ARL10: variants seen among roughly 807,000 people sequenced by gnomAD.
ARL10 encodes the protein ARF like GTPase 10.
In ARL10, 23 loss-of-function variants were observed where a neutral mutation model predicts 26.1. The observed-to-expected ratio is 0.88, with a 90% CI of 0.63 to 1.25. The LOEUF is 1.25. Among genes scored for constraint, ARL10 ranks in the 50% most tolerant of loss-of-function variants. The pLI is 0.00. For missense variants in ARL10, 300 were observed against 323.6 expected (o/e 0.93, Z 0.56); for synonymous variants, 138 against 149.1 (o/e 0.93, Z 0.54).
chr5:176,388,105 G>C, intron 1 of ARL10: 1 of 664,464 alleles, frequency 1.5e-6, no homozygotes, highest in Non-Finnish European at 2.6e-6. Context: ...TGAGCGTTCT[G>C]ACTGTGGGGA....
downstream of ARL10, among the ~76,000 whole-genome samples, chr5:176,383,376 T>G (rs1263379196): frequency 6.6e-5 from 10 of 152,246 alleles, no homozygotes. Context: ...CATACCCTGC[T>G]TGTGATCCTG....
At chr5:176,414,898 T>TG in the ARL10 span, among the ~76,000 whole-genome samples, 5 of 152,232 alleles carry the variant, frequency 3.3e-5, no homozygotes, top group African/African-American at 1.2e-4. Context: ...TGACACACAG[T>TG]AGGTGCTCAG....
chr5:176,414,493 G>A, the ARL10 span, among the ~76,000 whole-genome samples: 3 of 147,204 alleles, frequency 2.0e-5, no homozygotes, highest in Non-Finnish European at 3.0e-5. Flanking sequence ...GTACAGAGAC[G>A]TGATCACAGC....
At chr5:176,382,169 C>T (rs1755569940), downstream of ARL10, among the ~76,000 whole-genome samples, 1 of 152,200 alleles carries the variant, frequency 6.6e-6, no homozygotes, top group South Asian at 2.1e-4. Flanking sequence ...GCCTTAAGAA[C>T]CTCACCTAAC....
rs1755495780 is a variant in ARL10, at chr5:176,379,365, A to G, written c.*7470A>G. The G allele has an allele frequency of 6.9e-6, 1 of 144,148 alleles. No homozygotes were observed. Among genetic ancestry groups the G allele is most frequent in the African/African-American group, 2.5e-5 (1 of 40,120 alleles). 8.9% of individuals were successfully genotyped at this position (144,148 alleles called of 1,614,324 possible). On this transcript the variant is annotated 3_prime_UTR_variant, in exon 4 of 4. Coordinates refer to ENST00000310389, the MANE Select transcript of ARL10 (RefSeq NM_173664.6). The stretch of plus-strand genomic sequence containing the variant: ...TTGTATTTAGTAGAGATGGGGTTTC[A>G]CCGTGTTCGTCAGGGCTGGTCTCGA...
chr5:176,388,105 G>T, intron 1 of ARL10: 1 of 664,464 alleles, frequency 1.5e-6, no homozygotes. Flanking sequence ...TGAGCGTTCT[G>T]ACTGTGGGGA....
chr5:176,410,187 C>G, the ARL10 span: 1 of 1,326,994 alleles, frequency 7.5e-7, no homozygotes, highest in East Asian at 2.3e-5. Context: ...AAGCCTACAA[C>G]AATGAGGCTT....
downstream of ARL10, chr5:176,384,171 G>A (rs949595106): frequency 9.3e-6 from 15 of 1,613,886 alleles, no homozygotes; most frequent in Non-Finnish European, 1.2e-5. Context: ...CTTACACCCT[G>A]GCTCCAGCTT....
At chr5:176,384,056 G>C (rs1339552148), downstream of ARL10, 8 of 1,558,644 alleles carry the variant, frequency 5.1e-6, no homozygotes, top group Non-Finnish European at 6.9e-6. Flanking sequence ...TGGAGCCTCT[G>C]AGAACAGTTC....
rs888299472 is a variant in ARL10 at position 176,381,260 on chromosome 5, T to C, written c.*9365T>C. On this transcript the variant is annotated 3_prime_UTR_variant, in exon 4 of 4. Transcript: ENST00000310389. Reference sequence around the variant, plus strand: ...TTGGAGAGCTCAAAACACAAATTTATGGAGCTCAGAATCCTAGGAAGAACT... The same window carrying C: ...TTGGAGAGCTCAAAACACAAATTTACGGAGCTCAGAATCCTAGGAAGAACT... 3.3e-5 allele frequency: 5 copies of C among 152,204 alleles called. No individual in the cohort carries two copies. Among genetic ancestry groups the C allele is most frequent in the Non-Finnish European group, 5.9e-5 (4 of 68,040 alleles). 9.4% of individuals were successfully genotyped at this position (152,204 alleles called of 1,614,324 possible).
chr5:176,391,326 A>C (rs754673440), downstream of ARL10, among the ~76,000 whole-genome samples: 2 of 152,122 alleles, frequency 1.3e-5, no homozygotes, highest in Non-Finnish European at 2.9e-5. Flanking sequence ...TTAGAATTTG[A>C]CCTTAGGCTG....
chr5:176,384,081 G>T, downstream of ARL10: 1 of 1,594,562 alleles, frequency 6.3e-7, no homozygotes. Flanking sequence ...CCCAGAGCGG[G>T]GAGTGTGCAC....
downstream of ARL10, chr5:176,405,642 T>C (rs1324404440): frequency 6.6e-6 from 1 of 151,956 alleles, no homozygotes; most frequent in Non-Finnish European, 1.5e-5. Context: ...ACCAAATGAA[T>C]GAACGACCAA....
chr5:176,385,460 TC>T (rs1027780947), downstream of ARL10: 175 of 621,356 alleles, frequency 2.8e-4, no homozygotes, highest in Non-Finnish European at 4.6e-4. Context: ...GGTCTTTGCC[TC>T]CCCATTCCCA....
downstream of ARL10, among the ~76,000 whole-genome samples, chr5:176,404,771 G>T (rs1016024037): frequency 6.6e-6 from 1 of 152,170 alleles, no homozygotes. Context: ...CAGGTCCCGG[G>T]CTCCGGTGAA....
chr5:176,399,471 G>A (rs1756705745), intron 1 of ARL10, among the ~76,000 whole-genome samples: 1 of 152,168 alleles, frequency 6.6e-6, no homozygotes, highest in Admixed American at 6.5e-5. Flanking sequence ...GCTGGGCATG[G>A]TAGCTCATGC....
rs1349439240 is a variant in ARL10 at position 176,366,489 on chromosome 5, C to G, written c.293C>G (p.Ser98Trp). 1.1e-5 allele frequency: 18 copies of G among 1,613,886 alleles called. No homozygotes were observed. The highest frequency in any genetic ancestry group is 1.5e-5 in the Non-Finnish European group (18 of 1,180,012). ...AGKSTFLRVL[S>W]GKPPLEGHIP... ...AAGAGCACGTTCCTGCGCGTGTTGT[C>G]GGGGAAGCCACCGCTGGAAGGCCAC... Residue 98 changes from serine (S) to tryptophan (W), a missense_variant, in exon 2 of 4, where the codon TCG becomes TGG. Ser to Trp is a radical substitution (Grantham distance 177). Transcript: ENST00000310389.
chr5:176,389,693 C>T (rs1377594313), downstream of ARL10: 3 of 524,720 alleles, frequency 5.7e-6, no homozygotes, highest in East Asian at 3.1e-5. Context: ...ATGTTACATA[C>T]TTCTATTTGT....
intron 1 of ARL10, chr5:176,388,275 G>A (rs768780614): frequency 1.2e-6 from 2 of 1,614,162 alleles, no homozygotes; most frequent in Non-Finnish European, 1.7e-6. Context: ...GGGGTCCACA[G>A]CCAACCCCAT....
Sources: gnomAD v4.1 joint callset for allele counts (sites outside exome capture counted in the v4.1 genomes callset) on GRCh38, gnomAD v4.1.1 for gene constraint, MANE v1.5 for transcripts, NCBI Gene and HGNC (gene_info 2026-07-23, HGNC 2026-07-21) for gene names.